GBF1: variants seen among roughly 807,000 people sequenced by gnomAD.
The protein encoded by GBF1 is Golgi-specific brefeldin A-resistance guanine nucleotide exchange factor 1.
Under a neutral mutation model 210.5 loss-of-function variants are expected in GBF1, and 114 were observed. The ratio of observed to expected loss-of-function variants is 0.54; its 90% confidence interval spans 0.47 to 0.63. The LOEUF (loss-of-function observed/expected upper bound fraction) is 0.63. GBF1 is among the 30% of genes least tolerant of loss of function. The pLI is 0.00. For synonymous variants in GBF1, 850 were observed against 889.2 expected (o/e 0.96, Z 0.78); for missense variants, 1,851 against 2,357.7 (o/e 0.79, Z 4.45).
chr10:102,329,726 G>A (rs1225126605), intron 3 of GBF1, among the ~76,000 whole-genome samples: 1 of 152,076 alleles, frequency 6.6e-6, no homozygotes, highest in South Asian at 2.1e-4. Context: ...GCCTCCCAAA[G>A]TGCTGGGATT....
rs762395371 is a variant in GBF1, at chr10:102,370,168, C to T, written c.3340-6C>T. On this transcript the variant is annotated splice_region_variant and splice_polypyrimidine_tract_variant and intron_variant, in intron 26 of 39. Coordinates refer to ENST00000369983, the MANE Select transcript of GBF1 (RefSeq NM_001377137.1). ...AAAGACCCCCTCTCTCTTTTGCCCT[C>T]TCTAGCAATGTGACCCAGAAAAAAT... 1.9e-6 allele frequency: 3 copies of T among 1,608,212 alleles called. No homozygotes were observed. The Admixed American group carries it at 5.0e-5, about 27-fold the overall frequency.
intron 1 of GBF1, 134 bp from the exon 2 acceptor site, chr10:102,258,795 G>T: frequency 4.3e-5 from 14 of 322,700 alleles, no homozygotes; most frequent in Non-Finnish European, 6.6e-5. Context: ...AAAAAAAAAA[G>T]AAAGAAAGAA....
At chr10:102,285,972 T>C (rs1019034346) in intron 3 of GBF1, among the ~76,000 whole-genome samples, 9 of 152,262 alleles carry the variant, frequency 5.9e-5, no homozygotes, top group African/African-American at 2.2e-4. Context: ...ATTGGTTGCT[T>C]TAAAAAAAAA....
intron 3 of GBF1, among the ~76,000 whole-genome samples, chr10:102,290,207 C>A (rs963102774): frequency 2.0e-5 from 3 of 151,856 alleles, no homozygotes; most frequent in Admixed American, 2.0e-4. Context: ...TTATTTTTTC[C>A]TCTTATTCAT....
intron 3 of GBF1, among the ~76,000 whole-genome samples, chr10:102,293,838 C>T (rs1081655): frequency 0.34 from 43,972 of 129,434 alleles, 7,706 homozygotes; most frequent in Middle Eastern, 0.49. Flanking sequence ...AGTGCAGTGG[C>T]GTGATCTCTG....
At chr10:102,314,994 T>C (rs950029537) in intron 3 of GBF1, among the ~76,000 whole-genome samples, 1 of 152,224 alleles carries the variant, frequency 6.6e-6, no homozygotes, top group African/African-American at 2.4e-5. Context: ...TCAGAGATGT[T>C]ACTTCTCTAA....
In GBF1 at chr10:102,380,363, G is replaced by A. The variant is rs1448400860; in HGVS notation, c.4992+1G>A. The stretch of plus-strand genomic sequence containing the variant: ...GCACGCAGGCTCCAGCGACTTACTG[G>A]TATGTTCTACCTCAGCTCTGCTGCC... On this transcript the variant is annotated splice_donor_variant, in intron 37 of 39. Coordinates refer to ENST00000369983, the MANE Select transcript of GBF1 (RefSeq NM_001377137.1). LOFTEE classifies it high-confidence loss of function. The A allele has an allele frequency of 6.2e-7, 1 of 1,608,558 alleles. No homozygotes were observed. Among genetic ancestry groups the A allele is most frequent in the Non-Finnish European group, 8.5e-7 (1 of 1,175,068 alleles).
chr10:102,258,925 G>A lies in GBF1; in HGVS notation c.-10-4G>A. On this transcript the variant is annotated splice_polypyrimidine_tract_variant and splice_region_variant and intron_variant, in intron 1 of 39. Coordinates refer to ENST00000369983, the MANE Select transcript of GBF1 (RefSeq NM_001377137.1). ...CCAGACTATTATCTTAACTGTTTTGGTAGGTTTGCCAAGATGGTGGATAAG... is the reference window on the plus strand; with the variant it reads ...CCAGACTATTATCTTAACTGTTTTGATAGGTTTGCCAAGATGGTGGATAAG... The A allele has an allele frequency of 6.9e-7, 1 of 1,440,500 alleles. No individual in the cohort carries two copies. The highest frequency in any genetic ancestry group is 9.8e-7 in the Non-Finnish European group (1 of 1,021,494). 89.2% of individuals were successfully genotyped at this position (1,440,500 alleles called of 1,614,324 possible). A position where few individuals can be genotyped will look rare whatever the true frequency, so the allele number is the denominator to read the frequency against.
intron 3 of GBF1, among the ~76,000 whole-genome samples, chr10:102,320,967 T>C (rs1021916416): frequency 1.3e-4 from 19 of 151,926 alleles, no homozygotes; most frequent in African/African-American, 4.6e-4. Context: ...GGCTAGTTTT[T>C]GTATTTTTAG....
intron 3 of GBF1, among the ~76,000 whole-genome samples, chr10:102,305,671 C>T (rs559123931): frequency 2.0e-5 from 3 of 152,078 alleles, no homozygotes; most frequent in South Asian, 2.1e-4. Context: ...GACGGAGTTC[C>T]GTTCTTGTCG....
chr10:102,280,690 T>C (rs1336334894), intron 3 of GBF1, among the ~76,000 whole-genome samples: 2 of 152,220 alleles, frequency 1.3e-5, no homozygotes, highest in Non-Finnish European at 2.9e-5. Flanking sequence ...TGTCTCACTT[T>C]ACTCTGAAGG....
chr10:102,254,521 T>C (rs1298746244), intron 1 of GBF1, among the ~76,000 whole-genome samples: 1 of 152,232 alleles, frequency 6.6e-6, no homozygotes, highest in Non-Finnish European at 1.5e-5. Context: ...TTTTGTTGGA[T>C]ATAGACAGAG....
At chr10:102,353,553 A>G in intron 7 of GBF1, 47 bp from the exon 8 acceptor site, 1 of 1,314,444 alleles carries the variant, frequency 7.6e-7, no homozygotes, top group Non-Finnish European at 1.1e-6. Flanking sequence ...GGAGGGAGAC[A>G]TTTGTCATTA....
chr10:102,372,314 G>A (rs1455589909), intron 29 of GBF1, among the ~76,000 whole-genome samples: 1 of 151,658 alleles, frequency 6.6e-6, no homozygotes, highest in East Asian at 1.9e-4. Context: ...TTGGGAGTTC[G>A]AGACCAGCCT....
intron 10 of GBF1, among the ~76,000 whole-genome samples, 166 bp downstream of exon 10, chr10:102,358,895 C>T (rs1018654933): frequency 6.6e-6 from 1 of 152,168 alleles, no homozygotes; most frequent in Non-Finnish European, 1.5e-5. Flanking sequence ...CCTTGAAAAC[C>T]CACAGCATGA....
At chr10:102,361,211 G>A (rs1466701975) in intron 13 of GBF1, 91 bp downstream of exon 13, 3 of 783,744 alleles carry the variant, frequency 3.8e-6, no homozygotes, top group African/African-American at 1.7e-5. Flanking sequence ...TGCTACAGGG[G>A]TAGGATTTAG....
chr10:102,275,023 T>TC (rs1333508550), intron 3 of GBF1, among the ~76,000 whole-genome samples: 5 of 149,954 alleles, frequency 3.3e-5, no homozygotes, highest in South Asian at 2.1e-4. Context: ...TTTTTTTTTT[T>TC]TTTTTTGAGA....
In GBF1 at chr10:102,258,969, G is replaced by C. The variant is rs2134007176; in HGVS notation, c.31G>C (p.Gly11Arg). MVDKNIYIIQ[G>R]EINIVVGAIK... Reference sequence around the variant, plus strand: ...GGATAAGAATATTTACATCATTCAAGGGGAGATTAACATTGTGGTTGGGGC... The same window carrying C: ...GGATAAGAATATTTACATCATTCAACGGGAGATTAACATTGTGGTTGGGGC... The change falls in exon 2 of 40, where the codon GGG becomes CGG. Residue 11 changes from glycine (G) to arginine (R), a missense_variant. This residue lies in a region of GBF1 where 804 missense variants were observed against 958.6 expected (regional missense o/e 0.84). Transcript: ENST00000369983. The C allele has an allele frequency of 6.2e-7, 1 of 1,605,120 alleles. No homozygotes were observed. Among genetic ancestry groups the C allele is most frequent in the East Asian group, 2.2e-5 (1 of 44,840 alleles).
At chr10:102,251,117 T>C (rs2071473963) in intron 1 of GBF1, among the ~76,000 whole-genome samples, 1 of 152,192 alleles carries the variant, frequency 6.6e-6, no homozygotes, top group African/African-American at 2.4e-5. Context: ...ATTATATATT[T>C]CACAAAAATG....
Sources: allele counts gnomAD v4.1 joint callset (sites outside exome capture counted in the v4.1 genomes callset), GRCh38; gene constraint gnomAD v4.1.1; regional missense constraint gnomAD v4.1.1; transcripts MANE v1.5; gene names NCBI Gene and HGNC (gene_info 2026-07-23, HGNC 2026-07-21).